The following CCDC148 variants were observed in gnomAD, a reference collection of about 807,000 sequenced individuals.
CCDC148 encodes coiled-coil domain-containing protein 148.
CCDC148 carries 89 observed loss-of-function variants against 85.7 expected under a neutral mutation model. The observed-to-expected ratio is 1.04, with a 90% CI of 0.87 to 1.24. The LOEUF (loss-of-function observed/expected upper bound fraction) is 1.24, where lower values mean the gene tolerates loss of function less well. CCDC148 is among the 50% of genes most tolerant of loss of function. The pLI is 0.00. For missense variants in CCDC148, 692 were observed against 671.7 expected, an observed-to-expected ratio of 1.03 and a Z score of -0.33; for synonymous variants, 230 against 213.9, an observed-to-expected ratio of 1.08 and a Z score of -0.66.
intron 1 of CCDC148, among the ~76,000 whole-genome samples, chr2:158,378,970 C>A (rs1684765034): frequency 6.6e-6 from 1 of 152,094 alleles, no homozygotes; most frequent in Admixed American, 6.6e-5. Context: ...GCCCACGGAT[C>A]AGAAGTAATT....
At position 158,199,011 on chromosome 2, in the gene CCDC148, G is replaced by C. The variant is rs753856798; in HGVS notation, c.1371-20015C>G. Among the ~76,000 whole-genome samples, 44 of 152,284 alleles carry C rather than the reference G, an allele frequency of 2.9e-4. 1 individual carries two copies. The highest frequency in any genetic ancestry group is 3.4e-3 in the Middle Eastern group (1 of 294). On this transcript the variant is annotated intron_variant, in intron 11 of 13. Transcript: ENST00000283233. ...AGAGGCAGGGACCTTGGGACCAGTA[G>C]AGATTAGTTAAGCATAAAGGGATCT...
intron 3 of CCDC148, among the ~76,000 whole-genome samples, chr2:158,341,618 A>G (rs778903577): frequency 4.7e-4 from 54 of 113,720 alleles, no homozygotes; most frequent in Non-Finnish European, 8.3e-4. Context: ...CCTGGCCTAC[A>G]TATTTTTAAA....
intron 9 of CCDC148, among the ~76,000 whole-genome samples, chr2:158,251,327 CTTATT>C (rs778166726): frequency 1.3e-5 from 2 of 151,610 alleles, no homozygotes; most frequent in East Asian, 1.9e-4. Flanking sequence ...TTTCAGCCTT[CTTATT>C]TTATAAGAAT....
At chr2:158,383,144 A>T (rs13392648) in intron 1 of CCDC148, among the ~76,000 whole-genome samples, 9,575 of 142,164 alleles carry the variant, frequency 0.067, 592 homozygotes, top group African/African-American at 0.17. Context: ...TACTAAAAAT[A>T]AAAAAAAATA....
At chr2:158,418,844 C>T (rs566791047) in intron 1 of CCDC148, among the ~76,000 whole-genome samples, 6 of 151,998 alleles carry the variant, frequency 3.9e-5, no homozygotes, top group South Asian at 2.1e-4. Context: ...ATACAATAAA[C>T]GTGTTTTAAT....
rs566065442 is a variant in CCDC148, at chr2:158,188,239, T to C, written c.1371-9243A>G. Among the ~76,000 whole-genome samples, 4 of 152,130 alleles carry C rather than the reference T, an allele frequency of 2.6e-5. No individual in the cohort carries two copies. The South Asian group carries it at 8.3e-4, about 32-fold the overall frequency. On this transcript the variant is annotated intron_variant, in intron 11 of 13. Transcript: ENST00000283233. ...GCAATATTTATAGAGGAGTTGGTCA[T>C]TTCAGCTACTTAAAAACCTAAGGAA... is the stretch of plus-strand genomic sequence containing the variant.
At chr2:158,197,925 T>A (rs1558974357) in intron 11 of CCDC148, among the ~76,000 whole-genome samples, 1 of 140,362 alleles carries the variant, frequency 7.1e-6, no homozygotes, top group East Asian at 1.9e-4. Context: ...TTAATTCTAA[T>A]GAATTAATCA....
Position 158,455,018 on chromosome 2 carries a change from T to C in CCDC148, c.25+1397A>G, listed in dbSNP as rs557965550. Among the ~76,000 whole-genome samples the C allele has an allele frequency of 1.5e-4, 23 of 152,352 alleles. No homozygotes were observed. In the South Asian group the frequency reaches 3.7e-3, roughly 25 times the overall value. ...ATCTTTTATTTTCTTCTTTCTATGC[T>C]AGCCTAAGGCAAGAGAAAAGACCCA... is the stretch of plus-strand genomic sequence containing the variant. On this transcript the variant is annotated intron_variant, in intron 1 of 13. Transcript: ENST00000283233.
intron 11 of CCDC148, among the ~76,000 whole-genome samples, chr2:158,212,058 G>C (rs1373617195): frequency 1.3e-5 from 2 of 152,086 alleles, no homozygotes; most frequent in Non-Finnish European, 2.9e-5. Context: ...CACCAATGAG[G>C]TTTCTTTCCA....
At chr2:158,263,284 T>C (rs1173315531) in intron 9 of CCDC148, among the ~76,000 whole-genome samples, 2 of 152,050 alleles carry the variant, frequency 1.3e-5, no homozygotes, top group African/African-American at 4.8e-5. Flanking sequence ...TTTTCTGCAG[T>C]GCGTAGAGGG....
rs979495922 is a variant in CCDC148 at position 158,456,293 on chromosome 2, G to T, written c.25+122C>A. 3 of 975,312 alleles carry T rather than the reference G, an allele frequency of 3.1e-6. No homozygotes were observed. In the African/African-American group the frequency reaches 4.8e-5, roughly 16 times the overall value. The allele number at this position is 975,312 out of a possible 1,614,324, so 60.4% of individuals were successfully genotyped here. Reference sequence around the variant, plus strand: ...AGTTATGAGTTTGAGGACCCAAAACGTTGAGGAAAGATCCACCCCAGGGAA... The same window carrying T: ...AGTTATGAGTTTGAGGACCCAAAACTTTGAGGAAAGATCCACCCCAGGGAA... On this transcript the variant is annotated intron_variant, in intron 1 of 13. Coordinates refer to ENST00000283233, the MANE Select transcript of CCDC148 (RefSeq NM_138803.4).
At chr2:158,294,109 C>A (rs1691054182) in intron 9 of CCDC148, among the ~76,000 whole-genome samples, 1 of 150,340 alleles carries the variant, frequency 6.7e-6, no homozygotes, top group African/African-American at 2.5e-5. Flanking sequence ...AAGTCCTCTG[C>A]AAAGACTGAT....
At chr2:158,380,980 G>T (rs571557305) in intron 1 of CCDC148, 1 of 152,254 alleles carries the variant, frequency 6.6e-6, no homozygotes, top group East Asian at 1.9e-4. Flanking sequence ...CAGATGTACT[G>T]CAGATCTAAA....
chr2:158,253,677 G>C (rs1688895962), intron 9 of CCDC148, among the ~76,000 whole-genome samples: 1 of 151,556 alleles, frequency 6.6e-6, no homozygotes, highest in Non-Finnish European at 1.5e-5. Context: ...TTTAAATGAA[G>C]CCTGATAAAT....
chr2:158,247,941 G>A (rs1688635672), intron 10 of CCDC148, among the ~76,000 whole-genome samples: 1 of 152,054 alleles, frequency 6.6e-6, no homozygotes, highest in Non-Finnish European at 1.5e-5. Flanking sequence ...TGGGATACAC[G>A]TGCAGAACAT....
rs1011305371 is a variant in CCDC148 at position 158,245,400 on chromosome 2, A to G, written c.1251+5372T>C. Among the ~76,000 whole-genome samples the G allele has an allele frequency of 2.2e-4, 33 of 152,212 alleles. 1 individual carries two copies. The highest frequency in any genetic ancestry group is 4.8e-4 in the Non-Finnish European group (33 of 68,042). ...CCTCCCCAGAAAGATCTCTAAGGTA[A>G]GGCTGAAGGTCACAGCAGAGGTATC... On this transcript the variant is annotated intron_variant, in intron 10 of 13. Coordinates refer to ENST00000283233, the MANE Select transcript of CCDC148 (RefSeq NM_138803.4).
At chr2:158,451,993 G>A (rs1348722657) in intron 1 of CCDC148, among the ~76,000 whole-genome samples, 1 of 152,152 alleles carries the variant, frequency 6.6e-6, no homozygotes, top group African/African-American at 2.4e-5. Flanking sequence ...AGAAAATGAA[G>A]TTTATTTAAG....
chr2:158,203,196 C>CGTA (rs1686057953), intron 11 of CCDC148, among the ~76,000 whole-genome samples: 1 of 152,148 alleles, frequency 6.6e-6, no homozygotes, highest in Non-Finnish European at 1.5e-5. Context: ...GCCACCTTAC[C>CGTA]CACTGTCTGT....
chr2:158,203,420 G>A (rs190360209), intron 11 of CCDC148, among the ~76,000 whole-genome samples: 308 of 152,198 alleles, frequency 2.0e-3, no homozygotes, highest in Admixed American at 4.2e-3. Flanking sequence ...GCATCATCAC[G>A]GTGGTGTCCT....
Sources: allele counts gnomAD v4.1 joint callset (sites outside exome capture counted in the v4.1 genomes callset), GRCh38; gene constraint gnomAD v4.1.1; transcripts MANE v1.5; gene names NCBI Gene and HGNC (gene_info 2026-07-23, HGNC 2026-07-21).